The following SPATA21 variants were observed in gnomAD, a reference collection of about 807,000 sequenced individuals.
The protein encoded by SPATA21 is spermatogenesis-associated protein 21.
In SPATA21, 47 loss-of-function variants were observed where a neutral mutation model predicts 54.8. That is an observed-to-expected ratio of 0.86 (90% CI 0.68 to 1.09). The LOEUF (loss-of-function observed/expected upper bound fraction) is 1.09. SPATA21 is among the 50% of genes least tolerant of loss of function. The pLI is 0.00. For missense variants in SPATA21, 599 were observed against 596.4 expected (o/e 1.00, Z -0.05); for synonymous variants, 245 against 235.3 (o/e 1.04, Z -0.38).
At position 16,407,070 on chromosome 1, in the gene SPATA21, C is replaced by G. The variant is rs1425341642; in HGVS notation, c.674-1966G>C. Reference sequence around the variant, plus strand: ...ACGATGGCCATGACAACAGGGCACCCTCTTGGAAGTATTCTATGAACTCAG... The same window carrying G: ...ACGATGGCCATGACAACAGGGCACCGTCTTGGAAGTATTCTATGAACTCAG... On this transcript the variant is annotated intron_variant, in intron 7 of 12. Transcript: ENST00000335496. 4.6e-5 allele frequency among the ~76,000 whole-genome samples: 7 copies of G among 152,360 alleles called. No individual in the cohort carries two copies. In the South Asian group the frequency reaches 1.4e-3, roughly 32 times the overall value.
At position 16,400,798 on chromosome 1, in the gene SPATA21, G is replaced by C. The variant is rs759714659; in HGVS notation, c.1096C>G (p.Pro366Ala). The change falls in exon 11 of 13, where the codon CCC (proline) becomes GCC (alanine). Residue 366 changes from proline to alanine, a missense_variant. Transcript: ENST00000335496. ...ACTTCTGAGCTCTCTTCTTGCTGGG[G>C]GTTGTAGGGAAGCTTCTGCAACCGC... ...RLRLQKLPYN[P>A]QQEESSEVPE... 6.2e-7 allele frequency: 1 copy of C among 1,611,868 alleles called. No homozygotes were observed. Among genetic ancestry groups the C allele is most frequent in the Non-Finnish European group, 8.5e-7 (1 of 1,179,444 alleles).
intron 7 of SPATA21, among the ~76,000 whole-genome samples, chr1:16,405,991 A>T (rs2100798297): frequency 6.6e-6 from 1 of 152,270 alleles, no homozygotes; most frequent in South Asian, 2.1e-4. Context: ...GGGTGCCCTA[A>T]AGTGGGTGGG....
Position 16,400,756 on chromosome 1 carries a change from G to C in SPATA21, c.1138C>G (p.Leu380Val). 1.2e-6 allele frequency: 2 copies of C among 1,614,134 alleles called. No individual in the cohort carries two copies. The highest frequency in any genetic ancestry group is 1.7e-6 in the Non-Finnish European group (2 of 1,180,004). Residue 380 changes from leucine (L) to valine (V), a missense_variant, in exon 11 of 13, where the codon CTC becomes GTC. By Grantham distance (32) the Leu-to-Val change is conservative (BLOSUM62 1). Coordinates refer to ENST00000335496, the MANE Select transcript of SPATA21 (RefSeq NM_198546.1). ...ESSEVPERKV[L>V]SILSRLKQQN... ...TGCTTCAGCCGGCTCAGGATACTGA[G>C]GACCTTTCGTTCTGGAACTTCTGAG...
rs771074191 is a variant in SPATA21 at position 16,421,555 on chromosome 1, C to A, written c.98G>T (p.Gly33Val). The change falls in exon 5 of 13, where the codon GGT (glycine) becomes GTT (valine). Residue 33 changes from glycine (G) to valine (V), a missense_variant and splice_region_variant. Coordinates refer to ENST00000335496, the MANE Select transcript of SPATA21 (RefSeq NM_198546.1). The surrounding 1 kb of genome is among the most constrained non-coding windows in gnomAD (Gnocchi z 5.2). ...TGCTGGGTGGGTCTCCACAGCCTCACCCCTGAATAGAAGAGAAACCCCCAG... is the reference window on the plus strand; with the variant it reads ...TGCTGGGTGGGTCTCCACAGCCTCAACCCTGAATAGAAGAGAAACCCCCAG... ...TPGPKKAKGG[G>V]EAVETHPAPG... The A allele has an allele frequency of 1.2e-6, 2 of 1,613,520 alleles. No homozygotes were observed. The highest frequency in any genetic ancestry group is 1.1e-5 in the South Asian group (1 of 90,932).
chr1:16,427,799 C>A, intron 3 of SPATA21: 1 of 1,487,800 alleles, frequency 6.7e-7, no homozygotes, highest in Non-Finnish European at 9.0e-7. Context: ...CTCTCTCTCT[C>A]CCCCGCGGGT....
chr1:16,402,539 G>C (rs1463390558), intron 10 of SPATA21, among the ~76,000 whole-genome samples: 1 of 151,588 alleles, frequency 6.6e-6, no homozygotes, highest in African/African-American at 2.4e-5. Flanking sequence ...GGGATTACAG[G>C]CATGAGCCAC....
downstream of SPATA21, chr1:16,396,810 G>A (rs999908155): frequency 2.6e-5 from 4 of 152,360 alleles, no homozygotes; most frequent in Non-Finnish European, 5.9e-5. Context: ...TCCGGAGGAA[G>A]GGCCAGCTGC....
chr1:16,410,051 C>A lies in SPATA21; in HGVS notation c.145-8G>T. On this transcript the variant is annotated splice_region_variant and splice_polypyrimidine_tract_variant and intron_variant, in intron 5 of 12. Transcript: ENST00000335496. The stretch of plus-strand genomic sequence containing the variant: ...TCCAATGTCCCTCACCTCCTGGGGA[C>A]AGGGGAGGGGATCCAGGAGGCCTCT... The A allele has an allele frequency of 6.5e-7, 1 of 1,537,126 alleles. No individual in the cohort carries two copies. Among genetic ancestry groups the A allele is most frequent in the Non-Finnish European group, 8.7e-7 (1 of 1,146,624 alleles).
chr1:16,410,859 G>C, intron 5 of SPATA21: 1 of 388,420 alleles, frequency 2.6e-6, no homozygotes, highest in Non-Finnish European at 5.2e-6. Flanking sequence ...CCATGGTCTT[G>C]AGTGAGTTAC....
chr1:16,427,400 A>C (rs1435669780), intron 3 of SPATA21, among the ~76,000 whole-genome samples: 1 of 152,098 alleles, frequency 6.6e-6, no homozygotes, highest in Non-Finnish European at 1.5e-5. Context: ...CTTTGCCTCT[A>C]TCTGGCTCGC....
rs149152282 is a variant in SPATA21, at chr1:16,422,161, C to T, written c.35-190G>A. 3,577 of 1,450,642 alleles carry T rather than the reference C, an allele frequency of 2.5e-3. 9 individuals are homozygous for T. The highest frequency in any genetic ancestry group is 7.7e-3 in the Middle Eastern group (30 of 3,920). 89.9% of individuals were successfully genotyped at this position (1,450,642 alleles called of 1,614,324 possible). On this transcript the variant is annotated intron_variant, in intron 3 of 12. Coordinates refer to ENST00000335496, the MANE Select transcript of SPATA21 (RefSeq NM_198546.1). ...GGCTCTGCTGGCTGCACCATGTCTG[C>T]CTGGTGACTGGGGGTGGATTGATAT... is the stretch of plus-strand genomic sequence containing the variant.
chr1:16,424,549 C>A (rs2086269587), intron 3 of SPATA21, among the ~76,000 whole-genome samples: 2 of 151,806 alleles, frequency 1.3e-5, no homozygotes, highest in Admixed American at 6.6e-5. Flanking sequence ...TCTGGAGTAG[C>A]TGGGGCCACA....
chr1:16,432,614 TC>T (rs2100908520), intron 2 of SPATA21, among the ~76,000 whole-genome samples, 175 bp downstream of exon 2: 1 of 151,954 alleles, frequency 6.6e-6, no homozygotes, highest in Admixed American at 6.6e-5. Context: ...TCCTTCAAGC[TC>T]CTCCCTCTTC....
At chr1:16,415,591 G>A (rs1030592387) in intron 5 of SPATA21, among the ~76,000 whole-genome samples, 13 of 152,028 alleles carry the variant, frequency 8.6e-5, no homozygotes, top group Admixed American at 7.9e-4. Flanking sequence ...ACGGAGTCTC[G>A]CTCTGTCACC....
chr1:16,409,944 G>A lies in SPATA21; in HGVS notation c.244C>T (p.Arg82Trp), dbSNP rs141856899. The A allele has an allele frequency of 7.3e-5, 117 of 1,613,626 alleles. 1 individual carries two copies. The highest frequency in any genetic ancestry group is 4.9e-4 in the Middle Eastern group (3 of 6,078). The change falls in exon 6 of 13, where the codon CGG becomes TGG. Residue 82 changes from arginine (R) to tryptophan (W), a missense_variant. Arg to Trp is a moderately radical substitution (Grantham distance 101, BLOSUM62 -3). Coordinates refer to ENST00000335496, the MANE Select transcript of SPATA21 (RefSeq NM_198546.1). The surrounding 1 kb of genome is among the most constrained non-coding windows in gnomAD (Gnocchi z 4.1). ...AGCAAGCACTTCATGAAGCCCTGCC[G>A]GAAGTTCCCGAGGCTCTGTGTCCCT... is the stretch of plus-strand genomic sequence containing the variant. ...AAGTQSLGNFRQGFMKCLLEV... is the reference protein window; with the variant it reads ...AAGTQSLGNFWQGFMKCLLEV...
chr1:16,403,903 C>G, intron 9 of SPATA21, 59 bp from the exon 10 acceptor site: 2 of 1,612,882 alleles, frequency 1.2e-6, no homozygotes, highest in Non-Finnish European at 1.7e-6. Flanking sequence ...GCCCTCTTCT[C>G]TCCCCGCAAC....
intron 10 of SPATA21, among the ~76,000 whole-genome samples, chr1:16,402,513 G>A (rs1046273456): frequency 4.6e-5 from 7 of 151,098 alleles, no homozygotes; most frequent in African/African-American, 7.3e-5. Context: ...CGCCCACCGC[G>A]GCCTCCCAAA....
In SPATA21 at chr1:16,428,053, GC is replaced by G. The variant is rs2086366682; in HGVS notation, c.34+3284del. 6.5e-7 allele frequency: 1 copy of G among 1,530,536 alleles called. No individual in the cohort carries two copies. The highest frequency in any genetic ancestry group is 1.4e-5 in the African/African-American group (1 of 72,752). The allele number at this position is 1,530,536 out of a possible 1,614,324, so 94.8% of individuals were successfully genotyped here. ...ATCCATGGCAGTGGCTTGAGGGCTGGCATTGAGTACCCGTTCTGGAGTGATC... is the reference window on the plus strand; with the variant it reads ...ATCCATGGCAGTGGCTTGAGGGCTGGATTGAGTACCCGTTCTGGAGTGATC... On this transcript the variant is annotated intron_variant, in intron 3 of 12. Coordinates refer to ENST00000335496, the MANE Select transcript of SPATA21 (RefSeq NM_198546.1). The surrounding 1 kb of genome is among the most constrained non-coding windows in gnomAD (Gnocchi z 4.3).
chr1:16,410,748 T>C (rs1378570382), intron 5 of SPATA21: 3 of 313,000 alleles, frequency 9.6e-6, no homozygotes, highest in East Asian at 1.3e-4. Flanking sequence ...GGTTTCACCA[T>C]GTTGCCCAGG....
Sources: allele counts gnomAD v4.1 joint callset (sites outside exome capture counted in the v4.1 genomes callset), GRCh38; gene constraint gnomAD v4.1.1; non-coding constraint Gnocchi (gnomAD v3.1); transcripts MANE v1.5; gene names NCBI Gene and HGNC (gene_info 2026-07-23, HGNC 2026-07-21).